The following GNAO1 variants were observed in gnomAD, a reference collection of about 807,000 sequenced individuals.
GNAO1 encodes the protein guanine nucleotide-binding protein G(o) subunit alpha.
For missense variants in GNAO1, 166 were observed against 478.7 expected (o/e 0.35, Z 6.10); for synonymous variants, 164 against 180.7 (o/e 0.91, Z 0.74).
chr16:56,235,425 C>A (rs185094872), intron 2 of GNAO1: 1 of 455,830 alleles, frequency 2.2e-6, no homozygotes, highest in African/African-American at 2.0e-5. Flanking sequence ...CGGGACACTA[C>A]GCAGTCCAGG....
intron 3 of GNAO1, among the ~76,000 whole-genome samples, chr16:56,290,477 G>A (rs971232851): frequency 1.3e-5 from 2 of 152,190 alleles, no homozygotes; most frequent in African/African-American, 4.8e-5. Context: ...ATTGCTTTCT[G>A]TATGGCCCCT....
intron 3 of GNAO1, among the ~76,000 whole-genome samples, chr16:56,317,960 A>G (rs1434604100): frequency 6.6e-6 from 1 of 152,190 alleles, no homozygotes; most frequent in Non-Finnish European, 1.5e-5. Context: ...TCAGAATCCT[A>G]AGCCCAAGCG....
intron 6 of GNAO1, chr16:56,345,395 C>G: frequency 1.0e-6 from 1 of 985,738 alleles, no homozygotes; most frequent in Non-Finnish European, 1.2e-6. Context: ...TAGTCCCCAG[C>G]CAGGCAGGGC....
intron 2 of GNAO1, among the ~76,000 whole-genome samples, chr16:56,223,311 G>A (rs1347815292): frequency 6.6e-6 from 1 of 152,200 alleles, no homozygotes; most frequent in African/African-American, 2.4e-5. Context: ...TCTTGGCAGA[G>A]GCCCCTGCTT....
chr16:56,346,294 G>A (rs2037869011), intron 6 of GNAO1: 1 of 985,342 alleles, frequency 1.0e-6, no homozygotes, highest in African/African-American at 1.7e-5. Flanking sequence ...TCGTGGATGT[G>A]GATGTGGGAG....
intron 7 of GNAO1, chr16:56,353,019 C>T: frequency 6.5e-6 from 1 of 152,716 alleles, no homozygotes; most frequent in Non-Finnish European, 1.5e-5. Flanking sequence ...GAAGTGCTGG[C>T]TGTGGCTGCC....
At chr16:56,285,013 A>G (rs1186051319) in intron 3 of GNAO1, among the ~76,000 whole-genome samples, 7 of 152,204 alleles carry the variant, frequency 4.6e-5, no homozygotes, top group African/African-American at 1.7e-4. Flanking sequence ...CAGAGGCCCC[A>G]GCCAGCACCT....
intron 4 of GNAO1, among the ~76,000 whole-genome samples, chr16:56,333,605 G>C (rs143061351): frequency 7.2e-5 from 11 of 152,362 alleles, no homozygotes; most frequent in Non-Finnish European, 1.2e-4. Context: ...ATTCTCACAA[G>C]GATTGTCACT....
intron 2 of GNAO1, among the ~76,000 whole-genome samples, chr16:56,201,042 CA>C (rs1245505601): frequency 6.6e-6 from 1 of 152,144 alleles, no homozygotes; most frequent in African/African-American, 2.4e-5. Context: ...AGCATACACA[CA>C]GTGTCATGGA....
At chr16:56,214,659 A>G (rs574721460) in intron 2 of GNAO1, among the ~76,000 whole-genome samples, 87 of 152,308 alleles carry the variant, frequency 5.7e-4, no homozygotes, top group African/African-American at 2.0e-3. Flanking sequence ...GGGAGTACCA[A>G]TTTCTGTCTA....
chr16:56,341,617 G>A (rs376518630), intron 6 of GNAO1, among the ~76,000 whole-genome samples: 4 of 152,196 alleles, frequency 2.6e-5, no homozygotes, highest in South Asian at 2.1e-4. Flanking sequence ...AGCTTTGCAA[G>A]CAGCAGAGCC....
At chr16:56,261,669 G>A (rs1292712491) in intron 2 of GNAO1, among the ~76,000 whole-genome samples, 8 of 152,042 alleles carry the variant, frequency 5.3e-5, no homozygotes, top group African/African-American at 1.7e-4. Context: ...GCTGATCCCC[G>A]AAATGCCCAA....
At position 56,334,829 on chromosome 16, in the gene GNAO1, C is replaced by T; in HGVS notation, c.565C>T (p.His189Tyr). 2.5e-6 allele frequency: 4 copies of T among 1,614,066 alleles called. No individual in the cohort carries two copies. Among genetic ancestry groups the T allele is most frequent in the Non-Finnish European group, 3.4e-6 (4 of 1,180,016 alleles). ...RVKTTGIVET[H>Y]FTFKNLHFRL... is the part of the protein sequence containing the mutation. ...CAAAACCACTGGCATCGTAGAAACC[C>T]ACTTCACATTCAAGAACCTCCACTT... is the stretch of plus-strand genomic sequence containing the variant. Residue 189 changes from histidine (H) to tyrosine (Y), a missense_variant, in exon 5 of 9, where the codon CAC (histidine) becomes TAC (tyrosine). Transcript: ENST00000262493.
chr16:56,263,887 A>G (rs1731114339), intron 2 of GNAO1, among the ~76,000 whole-genome samples: 1 of 152,256 alleles, frequency 6.6e-6, no homozygotes, highest in Admixed American at 6.5e-5. Context: ...GGCTTGTCCA[A>G]GCTTATGCCA....
intron 3 of GNAO1, among the ~76,000 whole-genome samples, chr16:56,283,433 C>T (rs7201872): frequency 0.035 from 5,380 of 152,302 alleles, 133 homozygotes; most frequent in South Asian, 0.054. Flanking sequence ...GAGGCAGAAT[C>T]AGATTTCACA....
At chr16:56,309,076 G>A (rs1394194913) in intron 3 of GNAO1, among the ~76,000 whole-genome samples, 2 of 152,186 alleles carry the variant, frequency 1.3e-5, no homozygotes, top group African/African-American at 4.8e-5. Flanking sequence ...CCCTCTCCCA[G>A]TCACAGGAGA....
intron 4 of GNAO1, among the ~76,000 whole-genome samples, chr16:56,331,647 G>A (rs1478465770): frequency 6.6e-6 from 1 of 152,132 alleles, no homozygotes; most frequent in African/African-American, 2.4e-5. Flanking sequence ...GGCAACTGGT[G>A]ATGGGGGAGG....
At position 56,351,763 on chromosome 16, in the gene GNAO1, T is replaced by G. The variant is rs2037923901; in HGVS notation, c.877+226T>G. The G allele has an allele frequency of 7.6e-6, 4 of 526,730 alleles. No homozygotes were observed. The South Asian group carries it at 9.2e-5, about 12-fold the overall frequency. 32.6% of individuals were successfully genotyped at this position (526,730 alleles called of 1,614,324 possible). ...AATGGCCCCTCCTAAGATATATGTG[T>G]TAGGACCAAGTGACTCAGGAGTGGT... On this transcript the variant is annotated intron_variant, in intron 7 of 8. Transcript: ENST00000262493. The surrounding 1 kb of genome is among the most constrained non-coding windows in gnomAD (Gnocchi z 6.1).
At chr16:56,208,493 ATTTGTGAAGGG>A (rs1435986519) in intron 2 of GNAO1, among the ~76,000 whole-genome samples, 1 of 151,874 alleles carries the variant, frequency 6.6e-6, no homozygotes, top group African/African-American at 2.4e-5. Context: ...GGGCACATGC[ATTTGTGAAGGG>A]TTCTTTGAAG....
Sources: gnomAD v4.1 joint callset for allele counts (sites outside exome capture counted in the v4.1 genomes callset) on GRCh38, gnomAD v4.1.1 for gene constraint, Gnocchi (gnomAD v3.1) non-coding constraint, MANE v1.5 for transcripts, NCBI Gene and HGNC (gene_info 2026-07-23, HGNC 2026-07-21) for gene names.